The following KEL variants were observed in gnomAD, a reference collection of about 807,000 sequenced individuals.
The protein encoded by KEL is Kell metallo-endopeptidase (Kell blood group), also known as kell blood group glycoprotein.
A neutral mutation model predicts 99.5 loss-of-function variants in KEL; 96 were observed. The ratio of observed to expected loss-of-function variants is 0.97; its 90% confidence interval spans 0.82 to 1.14. KEL has a LOEUF of 1.14. Ranked by LOEUF, KEL falls within the 50% of genes most tolerant of loss-of-function variation. KEL has a pLI of 0.00. For synonymous variants in KEL, 355 were observed against 354.8 expected (o/e 1.00, Z -0.01); for missense variants, 926 against 924.2 (o/e 1.00, Z -0.03).
rs763220006 is a variant in KEL at position 142,941,422 on chromosome 7, G to A, written c.2038-9C>T. On this transcript the variant is annotated splice_polypyrimidine_tract_variant and intron_variant, in intron 18 of 18. Coordinates refer to ENST00000355265, the MANE Select transcript of KEL (RefSeq NM_000420.3). ...GGCTTCCTACACATCACCTGAGCAGGAAGAGAGGTCATTGAAGGGGGAGGG... is the reference window on the plus strand; with the variant it reads ...GGCTTCCTACACATCACCTGAGCAGAAAGAGAGGTCATTGAAGGGGGAGGG... The A allele has an allele frequency of 2.9e-5, 46 of 1,580,478 alleles. No individual in the cohort carries two copies. Among genetic ancestry groups the A allele is most frequent in the Non-Finnish European group, 3.5e-5 (41 of 1,160,082 alleles).
intron 4 of KEL, 37 bp downstream of exon 4, chr7:142,960,891 C>A (rs1796938247): frequency 6.2e-7 from 1 of 1,603,216 alleles, no homozygotes; most frequent in Non-Finnish European, 8.5e-7. Context: ...CAGAGTCACC[C>A]ACTTGCACAG....
intron 16 of KEL, 65 bp downstream of exon 16, chr7:142,943,211 G>A: frequency 6.3e-7 from 1 of 1,583,638 alleles, no homozygotes; most frequent in Admixed American, 1.7e-5. Flanking sequence ...TCCCCTCCAG[G>A]CCTCCCTTGT....
intron 18 of KEL, 151 bp from the exon 19 acceptor site, chr7:142,941,564 T>G (rs1405675648): frequency 1.5e-6 from 1 of 681,748 alleles, no homozygotes; most frequent in Non-Finnish European, 2.4e-6. Context: ...GTATAGTTCA[T>G]TTAATCTGGC....
chr7:142,950,255 C>T (rs1330286857), intron 10 of KEL, among the ~76,000 whole-genome samples: 3 of 152,218 alleles, frequency 2.0e-5, no homozygotes, highest in Non-Finnish European at 2.9e-5. Flanking sequence ...CTTCAGCAAC[C>T]TACCAGACCT....
chr7:142,955,600 C>T (rs1370862077), intron 6 of KEL, among the ~76,000 whole-genome samples: 1 of 152,134 alleles, frequency 6.6e-6, no homozygotes, highest in African/African-American at 2.4e-5. Context: ...CCCAGGTAAG[C>T]ACCATGTATA....
rs1043499973 is a variant in KEL at position 142,962,196 on chromosome 7, G to A, written c.3+8C>T. On this transcript the variant is annotated splice_region_variant and intron_variant, in intron 1 of 18. Transcript: ENST00000355265. The stretch of plus-strand genomic sequence containing the variant: ...CCGCTAAGCCTCTGACTCCAAAAGG[G>A]GACTTACCATCTGTCTATCTTCTGT... 1 of 1,614,058 alleles carries A rather than the reference G, an allele frequency of 6.2e-7. No individual in the cohort carries two copies.
intron 10 of KEL, among the ~76,000 whole-genome samples, chr7:142,950,451 C>T (rs1411237216): frequency 2.0e-5 from 3 of 152,222 alleles, no homozygotes; most frequent in African/African-American, 7.2e-5. Flanking sequence ...TCACCCTGCA[C>T]CAAGTTTTAG....
Position 142,946,238 on chromosome 7 carries a change from C to T in KEL, c.1283G>A (p.Arg428His), listed in dbSNP as rs750806448. Reference sequence around the variant, plus strand: ...TCGGGTGCTCGGGCCAAAGGCCTCACGAACAAACAAAGCCGCCAGCGTGGG... The same window carrying T: ...TCGGGTGCTCGGGCCAAAGGCCTCATGAACAAACAAAGCCGCCAGCGTGGG... ...FEPTLAALFV[R>H]EAFGPSTRSA... The change falls in exon 11 of 19, where the codon CGT becomes CAT. Residue 428 changes from arginine (R) to histidine (H), a missense_variant. Transcript: ENST00000355265. 2.1e-5 allele frequency: 34 copies of T among 1,614,070 alleles called. 1 individual carries two copies. The highest frequency in any genetic ancestry group is 9.9e-5 in the South Asian group (9 of 91,076).
intron 10 of KEL, among the ~76,000 whole-genome samples, chr7:142,947,150 C>G (rs894335131): frequency 2.6e-5 from 4 of 152,294 alleles, no homozygotes; most frequent in African/African-American, 9.6e-5. Flanking sequence ...TAAATGGAGA[C>G]ACACACTCAA....
rs898815380 is a variant in KEL, at chr7:142,954,563, A to G, written c.673-36T>C. 5.0e-6 allele frequency: 8 copies of G among 1,600,632 alleles called. No individual in the cohort carries two copies. The Admixed American group carries it at 6.7e-5, about 13-fold the overall frequency. On this transcript the variant is annotated intron_variant, in intron 6 of 18. Coordinates refer to ENST00000355265, the MANE Select transcript of KEL (RefSeq NM_000420.3). Reference sequence around the variant, plus strand: ...GAGAGACTGGAGAGAAGCAGGGAGCATGGCGGATGGAGAGGGCAGGTGTGG... The same window carrying G: ...GAGAGACTGGAGAGAAGCAGGGAGCGTGGCGGATGGAGAGGGCAGGTGTGG...
intron 10 of KEL, among the ~76,000 whole-genome samples, chr7:142,952,163 G>GT (rs1796702001): frequency 6.6e-6 from 1 of 152,132 alleles, no homozygotes; most frequent in Admixed American, 6.5e-5. Flanking sequence ...CCAATAAATT[G>GT]TAAGCTCTAA....
chr7:142,951,559 C>A (rs1238681338), intron 10 of KEL, among the ~76,000 whole-genome samples: 2 of 152,160 alleles, frequency 1.3e-5, no homozygotes, highest in Non-Finnish European at 2.9e-5. Context: ...GTGCCTCTGT[C>A]TCCTCCTCTT....
chr7:142,946,932 C>T (rs1422202498), intron 10 of KEL, among the ~76,000 whole-genome samples: 4 of 152,188 alleles, frequency 2.6e-5, no homozygotes, highest in Non-Finnish European at 5.9e-5. Context: ...GGAAGACTTC[C>T]AGCCAAGTCA....
chr7:142,957,988 G>T lies in KEL; in HGVS notation c.526-15C>A. On this transcript the variant is annotated splice_polypyrimidine_tract_variant and intron_variant, in intron 5 of 18. Transcript: ENST00000355265. ...CAGCCTCCAAGCTTTAAAGGAGAGA[G>T]AGGGGGCTGAGCATAAGGATCCGTG... 1 of 1,612,804 alleles carries T rather than the reference G, an allele frequency of 6.2e-7. No individual in the cohort carries two copies. Among genetic ancestry groups the T allele is most frequent in the African/African-American group, 1.3e-5 (1 of 75,030 alleles).
chr7:142,961,978 C>A, intron 1 of KEL, 106 bp from the exon 2 acceptor site: 1 of 1,605,430 alleles, frequency 6.2e-7, no homozygotes, highest in South Asian at 1.1e-5. Flanking sequence ...CCTGCCCTGC[C>A]CCCACACACA....
At chr7:142,941,679 C>A (rs776433695) in intron 18 of KEL, among the ~76,000 whole-genome samples, 1 of 152,000 alleles carries the variant, frequency 6.6e-6, no homozygotes, top group Non-Finnish European at 1.5e-5. Flanking sequence ...CTAATCTAAG[C>A]GTGTTGAAGA....
chr7:142,961,135 A>C (rs757441229), intron 3 of KEL, 31 bp from the exon 4 acceptor site: 8 of 1,611,490 alleles, frequency 5.0e-6, no homozygotes, highest in Admixed American at 1.7e-5. Context: ...CTGGGAAAGA[A>C]GAGGCAAAAA....
chr7:142,941,523 T>A, intron 18 of KEL, 110 bp from the exon 19 acceptor site: 4 of 1,043,842 alleles, frequency 3.8e-6, no homozygotes, highest in Non-Finnish European at 5.6e-6. Context: ...GGGGATCAAG[T>A]GCCCCAAGGG....
At chr7:142,961,277 G>A in intron 3 of KEL, 83 bp downstream of exon 3, 2 of 1,590,884 alleles carry the variant, frequency 1.3e-6, no homozygotes, top group Non-Finnish European at 1.7e-6. Flanking sequence ...AGGGTGGGCA[G>A]AAGCCCCAGG....
Sources: gnomAD v4.1 joint callset for allele counts (sites outside exome capture counted in the v4.1 genomes callset) on GRCh38, gnomAD v4.1.1 for gene constraint, MANE v1.5 for transcripts, NCBI Gene and HGNC (gene_info 2026-07-23, HGNC 2026-07-21) for gene names.